The following EDARADD variants were observed in gnomAD, a reference collection of about 807,000 sequenced individuals.
EDARADD encodes the protein ectodysplasin-A receptor-associated adapter protein.
In EDARADD, 20 loss-of-function variants were observed where a neutral mutation model predicts 25.6. That is an observed-to-expected ratio of 0.78 (90% CI 0.55 to 1.14). The LOEUF (loss-of-function observed/expected upper bound fraction) is 1.14, where lower values mean the gene tolerates loss of function less well. EDARADD is among the 50% of genes most tolerant of loss of function. The probability of loss-of-function intolerance (pLI) is 0.00; values close to 1 mark genes in which losing one functional copy is unlikely to be tolerated. For synonymous variants in EDARADD, 86 were observed against 94.4 expected (o/e 0.91, Z 0.52); for missense variants, 225 against 270.1 (o/e 0.83, Z 1.17).
At chr1:236,405,197 G>T (rs1173988476) in intron 1 of EDARADD, among the ~76,000 whole-genome samples, 1 of 152,076 alleles carries the variant, frequency 6.6e-6, no homozygotes, top group African/African-American at 2.4e-5. Flanking sequence ...CTTCATTGTT[G>T]TGCTTCAGAA....
At chr1:236,394,616 C>A (rs1667481884) in intron 1 of EDARADD, 111 bp downstream of exon 1, 2 of 904,172 alleles carry the variant, frequency 2.2e-6, no homozygotes, top group East Asian at 2.6e-5. Flanking sequence ...CTATTATTAT[C>A]TTTTTCGACC....
chr1:236,473,808 C>G (rs1659425914), intron 5 of EDARADD, among the ~76,000 whole-genome samples: 1 of 151,800 alleles, frequency 6.6e-6, no homozygotes. Flanking sequence ...AAATCTAGAA[C>G]CTAACATCTT....
At position 236,418,318 on chromosome 1, in the gene EDARADD, C is replaced by G. The variant is rs574256577; in HGVS notation, c.160+4019C>G. Among the ~76,000 whole-genome samples the G allele has an allele frequency of 1.6e-4, 24 of 151,564 alleles. No homozygotes were observed. The South Asian group carries it at 5.0e-3, about 32-fold the overall frequency. ...AGAGTGCAGTGGCATGATCTCGACT[C>G]ACTGCAACCTTTGCCTCCCAGGCTC... On this transcript the variant is annotated intron_variant, in intron 3 of 5. Coordinates refer to ENST00000334232, the MANE Select transcript of EDARADD (RefSeq NM_145861.4).
intron 3 of EDARADD, among the ~76,000 whole-genome samples, chr1:236,419,771 G>C (rs140182663): frequency 2.6e-5 from 4 of 152,288 alleles, no homozygotes; most frequent in African/African-American, 9.6e-5. Context: ...CAGTTTCCCA[G>C]ATAATACTAT....
intron 5 of EDARADD, among the ~76,000 whole-genome samples, chr1:236,477,325 C>T (rs1265534450): frequency 6.6e-6 from 1 of 151,876 alleles, no homozygotes; most frequent in Non-Finnish European, 1.5e-5. Flanking sequence ...ACCATCCTGG[C>T]TAACAGAGTG....
At chr1:236,357,662 A>G (rs1050376386) in intron 3 of EDARADD, among the ~76,000 whole-genome samples, 1 of 151,972 alleles carries the variant, frequency 6.6e-6, no homozygotes, top group Non-Finnish European at 1.5e-5. Flanking sequence ...TGAGTGCAGC[A>G]AGAGGTGCCA....
intron 3 of EDARADD, among the ~76,000 whole-genome samples, chr1:236,355,500 C>CTTTTTTTTTTTTTT (rs563976436): frequency 4.1e-5 from 3 of 73,142 alleles, no homozygotes; most frequent in African/African-American, 5.2e-5. Flanking sequence ...GCTTCTTCTT[C>CTTTTTTTTTTTTTT]TTTTTTTTTT....
At chr1:236,390,941 G>GTTATTATTATTATTATTATTATTA (rs377087092), upstream of EDARADD, among the ~76,000 whole-genome samples, 138 of 148,918 alleles carry the variant, frequency 9.3e-4, 2 homozygotes, top group South Asian at 7.4e-3. Flanking sequence ...TCTTGGGTTA[G>GTTATTATTATTATTATTATTATTA]TTGTTATTAT....
chr1:236,388,941 A>G (rs1300405146), intron 3 of EDARADD, among the ~76,000 whole-genome samples: 3 of 152,236 alleles, frequency 2.0e-5, no homozygotes, highest in Admixed American at 1.3e-4. Context: ...ATGGTCACTG[A>G]TAACACTAGA....
chr1:236,437,785 A>G (rs1421517450), intron 4 of EDARADD, among the ~76,000 whole-genome samples: 1 of 123,232 alleles, frequency 8.1e-6, no homozygotes, highest in African/African-American at 3.2e-5. Context: ...TCTGTCACCC[A>G]GGCCAGAGTG....
intron 4 of EDARADD, among the ~76,000 whole-genome samples, chr1:236,447,224 C>CTTTTCTTTCTTTCTTTCTTT (rs58467420): frequency 1.0e-4 from 4 of 38,546 alleles, no homozygotes; most frequent in Non-Finnish European, 1.5e-4. Context: ...TTCTTTCTTT[C>CTTTTCTTTCTTTCTTTCTTT]CTTTCTTTCC....
chr1:236,383,786 T>C (rs1383765627), intron 3 of EDARADD, among the ~76,000 whole-genome samples: 2 of 151,780 alleles, frequency 1.3e-5, no homozygotes, highest in African/African-American at 4.8e-5. Context: ...GGAGGGTCAT[T>C]TGGGGTCAAA....
chr1:236,381,808 T>TTTTC (rs1667304157), intron 3 of EDARADD, among the ~76,000 whole-genome samples: 2 of 130,162 alleles, frequency 1.5e-5, no homozygotes, highest in African/African-American at 5.7e-5. Context: ...TTGCTTTTTT[T>TTTTC]TTTTTTTTTT....
intron 4 of EDARADD, among the ~76,000 whole-genome samples, chr1:236,446,869 T>G (rs1234754712): frequency 1.3e-5 from 2 of 152,226 alleles, no homozygotes; most frequent in African/African-American, 4.8e-5. Context: ...ATGCATGAAG[T>G]GTGCACGCAC....
At chr1:236,369,855 C>CA (rs35350100) in intron 3 of EDARADD, among the ~76,000 whole-genome samples, 44,520 of 150,394 alleles carry the variant, frequency 0.3, 6,851 homozygotes, top group African/African-American at 0.39. Context: ...ACCAAAAAAG[C>CA]AAAAAAAAAT....
intron 3 of EDARADD, among the ~76,000 whole-genome samples, chr1:236,426,410 G>T (rs1657920115): frequency 6.6e-6 from 1 of 152,172 alleles, no homozygotes; most frequent in South Asian, 2.1e-4. Flanking sequence ...CACAGCCCAG[G>T]GGAGGAGGAC....
At chr1:236,447,223 TCCTTTCTTTC>T (rs1446437925) in intron 4 of EDARADD, among the ~76,000 whole-genome samples, 28 of 39,792 alleles carry the variant, frequency 7.0e-4, no homozygotes, top group South Asian at 1.3e-3. Context: ...TTTCTTTCTT[TCCTTTCTTTC>T]CTTTCTTTCC....
chr1:236,382,526 G>A lies in EDARADD; in HGVS notation c.-5-26690G>A, dbSNP rs139558508. Among the ~76,000 whole-genome samples, 125 of 152,244 alleles carry A rather than the reference G, an allele frequency of 8.2e-4. 3 individuals are homozygous for A. The East Asian group carries it at 0.023, about 27-fold the overall frequency. ...GCTTCCTGCAAGTCTGGTAATCATT[G>A]TATTCCAGATGTTATGAATTCACTT... is the stretch of plus-strand genomic sequence containing the variant. On this transcript the variant is annotated intron_variant, in intron 3 of 7. Coordinates refer to the EDARADD transcript ENST00000439430.
chr1:236,352,794 G>A (rs1666932121), intron 3 of EDARADD, among the ~76,000 whole-genome samples: 1 of 152,176 alleles, frequency 6.6e-6, no homozygotes, highest in South Asian at 2.1e-4. Context: ...GTTGCAGTGA[G>A]CCAAGATTGT....
Sources: gnomAD v4.1 joint callset for allele counts (sites outside exome capture counted in the v4.1 genomes callset) on GRCh38, gnomAD v4.1.1 for gene constraint, MANE v1.5 for transcripts, NCBI Gene and HGNC (gene_info 2026-07-23, HGNC 2026-07-21) for gene names.